DLG2: variants seen among roughly 807,000 people sequenced by gnomAD.
DLG2 encodes the protein discs large MAGUK scaffold protein 2.
In DLG2, 45 loss-of-function variants were observed where a neutral mutation model predicts 132.5. The observed-to-expected ratio is 0.34, with a 90% CI of 0.27 to 0.44. The LOEUF is 0.44. Among genes scored for constraint, DLG2 ranks in the 20% least tolerant of loss-of-function variants. The pLI is 1.00. For synonymous variants in DLG2, 424 were observed against 419.6 expected, an observed-to-expected ratio of 1.01 and a Z score of -0.13; for missense variants, 1,045 against 1,196.9, an observed-to-expected ratio of 0.87 and a Z score of 1.87.
intron 6 of DLG2, among the ~76,000 whole-genome samples, chr11:84,827,381 C>G (rs2078459370): frequency 1.3e-5 from 2 of 151,584 alleles, no homozygotes. Context: ...AAATTTATGT[C>G]TGATGCAATT....
Position 83,459,670 on chromosome 11 carries a change from A to C in DLG2, c.*148T>G. ...GCCCCTCTGTTTCCTTCATGGCTTCATACAGTTTGTGTTGTACATTCGTAA... is the reference window on the plus strand; with the variant it reads ...GCCCCTCTGTTTCCTTCATGGCTTCCTACAGTTTGTGTTGTACATTCGTAA... On this transcript the variant is annotated 3_prime_UTR_variant, in exon 28 of 28. Coordinates refer to ENST00000376104, the MANE Select transcript of DLG2 (RefSeq NM_001142699.3). The C allele has an allele frequency of 1.7e-6, 1 of 576,868 alleles. No individual in the cohort carries two copies. The highest frequency in any genetic ancestry group is 3.1e-6 in the Non-Finnish European group (1 of 321,980). 35.7% of individuals were successfully genotyped at this position (576,868 alleles called of 1,614,324 possible).
intron 18 of DLG2, among the ~76,000 whole-genome samples, chr11:83,766,106 T>G (rs2094132033): frequency 6.6e-6 from 1 of 151,660 alleles, no homozygotes; most frequent in Non-Finnish European, 1.5e-5. Flanking sequence ...TTTTTTTTTT[T>G]TTTTTGAGAT....
chr11:83,838,278 G>A (rs1304095495), intron 16 of DLG2, among the ~76,000 whole-genome samples: 2 of 152,160 alleles, frequency 1.3e-5, no homozygotes, highest in Non-Finnish European at 2.9e-5. Context: ...TGGAATCTAG[G>A]TGACAAGTAC....
At chr11:83,824,113 TCA>T (rs1377382191) in intron 17 of DLG2, among the ~76,000 whole-genome samples, 1 of 152,162 alleles carries the variant, frequency 6.6e-6, no homozygotes, top group African/African-American at 2.4e-5. Context: ...TTCAGTGAAA[TCA>T]CAGCGCAGTA....
chr11:84,240,185 T>G (rs958520372), intron 8 of DLG2, among the ~76,000 whole-genome samples: 1 of 152,178 alleles, frequency 6.6e-6, no homozygotes, highest in African/African-American at 2.4e-5. Flanking sequence ...GTAGGCCTCT[T>G]GGACTACATG....
chr11:85,414,302 A>T (rs980816829), intron 3 of DLG2, among the ~76,000 whole-genome samples: 1 of 151,848 alleles, frequency 6.6e-6, no homozygotes, highest in Admixed American at 6.6e-5. Flanking sequence ...TTTCTGGAGG[A>T]GTCTTTAGGG....
intron 7 of DLG2, among the ~76,000 whole-genome samples, chr11:84,324,607 G>A (rs2098421695): frequency 6.6e-6 from 1 of 151,690 alleles, no homozygotes; most frequent in African/African-American, 2.4e-5. Context: ...TGGTTACATT[G>A]AATGTGTAAC....
At chr11:85,375,317 T>C (rs2085320296) in intron 3 of DLG2, among the ~76,000 whole-genome samples, 1 of 152,194 alleles carries the variant, frequency 6.6e-6, no homozygotes. Context: ...TACACATAGA[T>C]CTTCACAGTT....
At chr11:85,342,031 G>A (rs1428070832) in intron 3 of DLG2, among the ~76,000 whole-genome samples, 1 of 152,148 alleles carries the variant, frequency 6.6e-6, no homozygotes, top group Admixed American at 6.5e-5. Context: ...ATGAGTGAGT[G>A]GTGAGTGCAT....
intron 8 of DLG2, among the ~76,000 whole-genome samples, chr11:84,197,494 A>G (rs2096537575): frequency 6.6e-6 from 1 of 152,230 alleles, no homozygotes; most frequent in Non-Finnish European, 1.5e-5. Context: ...GAATGACATC[A>G]TGATTCCCAT....
At chr11:84,456,033 T>C (rs1426778689) in intron 7 of DLG2, among the ~76,000 whole-genome samples, 4 of 151,274 alleles carry the variant, frequency 2.6e-5, no homozygotes, top group Non-Finnish European at 5.9e-5. Flanking sequence ...ATCAAGCAAG[T>C]ATGGAACACT....
intron 18 of DLG2, among the ~76,000 whole-genome samples, chr11:83,754,673 G>C (rs1388744302): frequency 1.3e-5 from 2 of 151,396 alleles, no homozygotes; most frequent in South Asian, 2.1e-4. Flanking sequence ...AAGGGTAAGA[G>C]CCTTACTTGT....
chr11:84,078,949 T>C (rs1269055410), intron 10 of DLG2, among the ~76,000 whole-genome samples: 1 of 152,212 alleles, frequency 6.6e-6, no homozygotes, highest in Non-Finnish European at 1.5e-5. Context: ...CAACATATTT[T>C]CCAACTTTAC....
intron 5 of DLG2, among the ~76,000 whole-genome samples, chr11:85,151,853 TG>T (rs111421665): frequency 6.6e-6 from 1 of 152,206 alleles, no homozygotes; most frequent in Admixed American, 6.5e-5. Flanking sequence ...TCTCCAAAAT[TG>T]ATTAGGCTAT....
intron 11 of DLG2, among the ~76,000 whole-genome samples, chr11:84,000,739 A>AATG (rs1387063113): frequency 6.6e-6 from 1 of 152,142 alleles, no homozygotes; most frequent in Admixed American, 6.6e-5. Context: ...ACTGCCAGCC[A>AATG]ATGATACTAT....
chr11:84,324,996 T>G (rs979066628), intron 7 of DLG2, among the ~76,000 whole-genome samples: 1 of 152,116 alleles, frequency 6.6e-6, no homozygotes, highest in African/African-American at 2.4e-5. Context: ...TCCTTTCCAA[T>G]TGAGGTTTCT....
At chr11:85,586,582 T>A (rs990863729) in intron 3 of DLG2, among the ~76,000 whole-genome samples, 1 of 152,240 alleles carries the variant, frequency 6.6e-6, no homozygotes, top group Non-Finnish European at 1.5e-5. Flanking sequence ...TTGAGCTCAT[T>A]TGGATCTTCT....
At chr11:85,610,181 A>G (rs2080890200) in intron 2 of DLG2, among the ~76,000 whole-genome samples, 1 of 152,204 alleles carries the variant, frequency 6.6e-6, no homozygotes, top group Non-Finnish European at 1.5e-5. Flanking sequence ...TAAGGCCTGA[A>G]GCTCATAAAG....
chr11:84,549,087 G>A (rs1190470328), intron 6 of DLG2, among the ~76,000 whole-genome samples: 2 of 152,206 alleles, frequency 1.3e-5, no homozygotes, highest in Non-Finnish European at 2.9e-5. Context: ...GTTTATCCAT[G>A]TTCAGTTGAG....
Sources: gnomAD v4.1 joint callset for allele counts (sites outside exome capture counted in the v4.1 genomes callset) on GRCh38, gnomAD v4.1.1 for gene constraint, MANE v1.5 for transcripts, NCBI Gene and HGNC (gene_info 2026-07-23, HGNC 2026-07-21) for gene names.